The following PEG3 variants were observed in gnomAD, a reference collection of about 807,000 sequenced individuals.
PEG3 encodes the protein paternally-expressed gene 3 protein.
Under a neutral mutation model 35.5 loss-of-function variants are expected in PEG3, and 23 were observed. That is an observed-to-expected ratio of 0.65 (90% CI 0.47 to 0.92). The LOEUF (loss-of-function observed/expected upper bound fraction) is 0.92. PEG3 is among the 40% of genes least tolerant of loss of function. The pLI, the probability that PEG3 is intolerant of heterozygous loss-of-function variation, is 0.00. For missense variants in PEG3, 1,960 were observed against 1,985.3 expected (o/e 0.99, Z 0.24); for synonymous variants, 707 against 697.0 (o/e 1.01, Z -0.23).
rs757279493 is a variant in PEG3, at chr19:56,814,050, T to C, written c.4392A>G (p.Arg1464=). Residue 1464 remains arginine, a synonymous_variant, in exon 10 of 10, where the codon AGA becomes AGG. Coordinates refer to ENST00000326441, the MANE Select transcript of PEG3 (RefSeq NM_006210.3). The surrounding 1 kb of genome is among the most constrained non-coding windows in gnomAD (Gnocchi z 5.8). ...CAGCTTTTCCCTCTGGCTCTTCAGC[T>C]CTTTCTTCTGGGTCTTCAATACCTG... is the stretch of plus-strand genomic sequence containing the variant. ...DGAGIEDPEE[R]AEEPEGKAEE... 1 of 1,614,124 alleles carries C rather than the reference T, an allele frequency of 6.2e-7. No homozygotes were observed. Among genetic ancestry groups the C allele is most frequent in the South Asian group, 1.1e-5 (1 of 91,078 alleles).
In PEG3 at chr19:56,813,899, T is replaced by G. The variant is rs1436147477; in HGVS notation, c.4543A>C (p.Thr1515Pro). Residue 1515 changes from threonine to proline, a missense_variant, in exon 10 of 10, where the codon ACT becomes CCT. This residue lies in a region of PEG3 where 416 missense variants were observed against 416.7 expected (regional missense o/e 1.00). Coordinates refer to ENST00000326441, the MANE Select transcript of PEG3 (RefSeq NM_006210.3). ...YDCHECTETF[T>P]SSTAFSEHLK... ...TGTTCACTGAATGCTGTGCTGGAAG[T>G]GAAGGTTTCTGTGCATTCATGGCAG... The G allele has an allele frequency of 1.2e-6, 2 of 1,614,090 alleles. No homozygotes were observed. The highest frequency in any genetic ancestry group is 1.7e-6 in the Non-Finnish European group (2 of 1,180,034).
At chr19:56,825,463 C>T (rs1189308776) in intron 3 of PEG3, among the ~76,000 whole-genome samples, 1 of 152,172 alleles carries the variant, frequency 6.6e-6, no homozygotes, top group African/African-American at 2.4e-5. Flanking sequence ...CTTACTGTTT[C>T]TTTACTTAGT....
chr19:56,827,086 T>A (rs1251657750), intron 2 of PEG3, among the ~76,000 whole-genome samples: 1 of 152,102 alleles, frequency 6.6e-6, no homozygotes, highest in Non-Finnish European at 1.5e-5. Flanking sequence ...GCTGAAATAA[T>A]GTAAAGAGCA....
At chr19:56,826,212 G>A (rs972771729) in intron 3 of PEG3, among the ~76,000 whole-genome samples, 176 bp downstream of exon 3, 1 of 152,150 alleles carries the variant, frequency 6.6e-6, no homozygotes, top group Non-Finnish European at 1.5e-5. Flanking sequence ...TTTCAGACAT[G>A]GTCACTCTAA....
Position 56,817,432 on chromosome 19 carries a change from C to T in PEG3, c.1010G>A (p.Arg337Gln), listed in dbSNP as rs370537787. 15 of 1,614,024 alleles carry T rather than the reference C, an allele frequency of 9.3e-6. No individual in the cohort carries two copies. Among genetic ancestry groups the T allele is most frequent in the East Asian group, 6.7e-5 (3 of 44,872 alleles). ...KSGRARESSDRSQRFPRMSDD... is the reference protein window; with the variant it reads ...KSGRARESSDQSQRFPRMSDD... ...TGACATTCTGGGGAATCTCTGTGAC[C>T]GGTCGCTTGACTCCCTTGCTCTTCC... Residue 337 changes from arginine (R) to glutamine (Q), a missense_variant, in exon 10 of 10, where the codon CGG (arginine) becomes CAG (glutamine). Transcript: ENST00000326441.
chr19:56,815,302 T>C lies in PEG3; in HGVS notation c.3140A>G (p.Asn1047Ser). ...TTGGTCATAGATTTTCTGGTTTGTG[T>C]TGAGGTCTTCGCTGGTAGCAAAAAA... The part of the protein sequence containing the change: ...RQFFATSEDL[N>S]TNQKIYDQEK... Residue 1047 changes from asparagine (N) to serine (S), a missense_variant, in exon 10 of 10, where the codon AAC becomes AGC. By Grantham distance (46) the Asn-to-Ser change is conservative. Around this residue, in one of 5 missense-constraint regions of PEG3, gnomAD observed 798 missense variants for 782.4 expected, o/e 1.02. Transcript: ENST00000326441. 1 of 1,614,266 alleles carries C rather than the reference T, an allele frequency of 6.2e-7. No homozygotes were observed. Among genetic ancestry groups the C allele is most frequent in the Non-Finnish European group, 8.5e-7 (1 of 1,180,046 alleles).
intron 7 of PEG3, among the ~76,000 whole-genome samples, chr19:56,820,003 A>C (rs766663851): frequency 2.0e-5 from 3 of 152,248 alleles, no homozygotes; most frequent in Non-Finnish European, 2.9e-5. Context: ...GAAACACAGC[A>C]GAGCTTCACA....
chr19:56,810,834 A>G lies in PEG3; in HGVS notation c.*2841T>C, dbSNP rs1298136381. 2 of 970,182 alleles carry G rather than the reference A, an allele frequency of 2.1e-6. No homozygotes were observed. Among genetic ancestry groups the G allele is most frequent in the African/African-American group, 3.5e-5 (2 of 56,874 alleles). 60.1% of individuals were successfully genotyped at this position (970,182 alleles called of 1,614,324 possible). On this transcript the variant is annotated 3_prime_UTR_variant, in exon 10 of 10. Transcript: ENST00000326441. ...TTGGGAATATAGGTAATTTTTTAAA[A>G]TAATTTACTTTATTTTCTAATTTTT...
chr19:56,820,579 T>C (rs2146281164), intron 7 of PEG3, among the ~76,000 whole-genome samples: 1 of 152,334 alleles, frequency 6.6e-6, no homozygotes, highest in South Asian at 2.1e-4. Context: ...CCCTAATGCC[T>C]GGGGTCCCCT....
In PEG3 at chr19:56,823,645, G is replaced by A. The variant is rs1046868185; in HGVS notation, c.429C>T (p.Asp143=). The change falls in exon 5 of 10, where the codon GAC becomes GAT. Residue 143 remains aspartate, a synonymous_variant. Coordinates refer to ENST00000326441, the MANE Select transcript of PEG3 (RefSeq NM_006210.3). ...AGGACTCTCTTCTGTTCCGGGTCAT[G>A]TCGTCGTCGCTGGTCACGTCACTGT... ...DNNSDVTSDD[D]MTRNRRESSP... 4 of 1,614,052 alleles carry A rather than the reference G, an allele frequency of 2.5e-6. No individual in the cohort carries two copies. The highest frequency in any genetic ancestry group is 3.4e-6 in the Non-Finnish European group (4 of 1,180,040).
In PEG3 at chr19:56,814,599, G is replaced by A. The variant is rs2059803853; in HGVS notation, c.3843C>T (p.Leu1281=). ...ATTCTCCACAGACTGCACATTCAAAGAGTCTCTCTTCGGTCTGACTTCTCT... is the reference window on the plus strand; with the variant it reads ...ATTCTCCACAGACTGCACATTCAAAAAGTCTCTCTTCGGTCTGACTTCTCT... ...EFQRSQTEER[L]FECAVCGESF... is the part of the protein sequence containing the mutation. The change falls in exon 10 of 10, where the codon CTC becomes CTT. Residue 1281 remains leucine (L), a synonymous_variant. Coordinates refer to ENST00000326441, the MANE Select transcript of PEG3 (RefSeq NM_006210.3). The surrounding 1 kb of genome is among the most constrained non-coding windows in gnomAD (Gnocchi z 5.8). The A allele has an allele frequency of 4.3e-6, 7 of 1,614,154 alleles. No homozygotes were observed. Among genetic ancestry groups the A allele is most frequent in the African/African-American group, 1.3e-5 (1 of 75,040 alleles).
At chr19:56,822,725 A>C in intron 6 of PEG3, 28 bp downstream of exon 6, 2 of 1,612,636 alleles carry the variant, frequency 1.2e-6, no homozygotes, top group Non-Finnish European at 1.7e-6. Context: ...TATATCTCCT[A>C]CTGGGAAAGA....
intron 2 of PEG3, among the ~76,000 whole-genome samples, chr19:56,832,460 C>T (rs1395704339): frequency 6.6e-6 from 1 of 152,234 alleles, no homozygotes; most frequent in African/African-American, 2.4e-5. Context: ...TGGCTCAAGA[C>T]TGAACTCTGG....
chr19:56,826,472 G>C lies in PEG3; in HGVS notation c.-162-9C>G, dbSNP rs181537786. 8.5e-5 allele frequency: 13 copies of C among 152,340 alleles called. No individual in the cohort carries two copies. The highest frequency in any genetic ancestry group is 3.4e-3 in the Middle Eastern group (1 of 294). The allele number at this position is 152,340 out of a possible 1,614,324, so 9.4% of individuals were successfully genotyped here. A position where few individuals can be genotyped will look rare whatever the true frequency, so the allele number is the denominator to read the frequency against. ...AGTCAAAACACAGGTATCTGCAGAA[G>C]TTTTAAAGGAAGAAATACACAGACT... On this transcript the variant is annotated splice_polypyrimidine_tract_variant and intron_variant, in intron 2 of 9. Transcript: ENST00000326441.
intron 1 of PEG3, among the ~76,000 whole-genome samples, chr19:56,837,767 GC>G (rs918977980): frequency 6.6e-6 from 1 of 152,230 alleles, no homozygotes; most frequent in Non-Finnish European, 1.5e-5. Context: ...AATCCCCTCA[GC>G]CCCCTCCAAC....
intron 6 of PEG3, 72 bp from the exon 7 acceptor site, chr19:56,821,826 A>G: frequency 6.5e-7 from 1 of 1,532,070 alleles, no homozygotes; most frequent in South Asian, 1.1e-5. Context: ...TGTCCCACTC[A>G]ACTATGAAGC....
Position 56,811,563 on chromosome 19 carries a change from C to T in PEG3, c.*2112G>A, listed in dbSNP as rs1443061236. The T allele has an allele frequency of 4.1e-6, 4 of 985,220 alleles. No homozygotes were observed. The highest frequency in any genetic ancestry group is 4.8e-6 in the Non-Finnish European group (4 of 829,906). 61.0% of individuals were successfully genotyped at this position (985,220 alleles called of 1,614,324 possible). A position where few individuals can be genotyped will look rare whatever the true frequency, so the allele number is the denominator to read the frequency against. On this transcript the variant is annotated 3_prime_UTR_variant, in exon 10 of 10. Coordinates refer to ENST00000326441, the MANE Select transcript of PEG3 (RefSeq NM_006210.3). ...CTAGCTGAAGGTTGGAACGGACACC[C>T]TGACTTACAGCAAGTTGCTTTCTGA...
At chr19:56,818,578 A>G in intron 8 of PEG3, 22 bp downstream of exon 8, 1 of 1,613,634 alleles carries the variant, frequency 6.2e-7, no homozygotes, top group Non-Finnish European at 8.5e-7. Context: ...ACTGGGAGTG[A>G]CTGAGAGAAG....
In PEG3 at chr19:56,814,655, T is replaced by C. The variant is rs1420647135; in HGVS notation, c.3787A>G (p.Ile1263Val). Residue 1263 changes from isoleucine (I) to valine (V), a missense_variant, in exon 10 of 10, where the codon ATC becomes GTC. Physicochemically the swap from Ile to Val is conservative, Grantham distance 29 (BLOSUM62 3). Around this residue, in one of 5 missense-constraint regions of PEG3, gnomAD observed 416 missense variants for 416.7 expected, o/e 1.00. Transcript: ENST00000326441. The surrounding 1 kb of genome is among the most constrained non-coding windows in gnomAD (Gnocchi z 5.8). ...LEQSQMAEEAIIPGLALTEFQ... is the reference protein window; with the variant it reads ...LEQSQMAEEAVIPGLALTEFQ... ...TCAGTGAGGGCTAAGCCTGGAATGA[T>C]AGCTTCCTCAGCCATCTGGCTCTGC... 11 of 1,614,074 alleles carry C rather than the reference T, an allele frequency of 6.8e-6. No individual in the cohort carries two copies. Among genetic ancestry groups the C allele is most frequent in the Middle Eastern group, 1.6e-4 (1 of 6,084 alleles).
Sources: gnomAD v4.1 joint callset for allele counts (sites outside exome capture counted in the v4.1 genomes callset) on GRCh38, gnomAD v4.1.1 for gene constraint, gnomAD v4.1.1 regional missense constraint, Gnocchi (gnomAD v3.1) non-coding constraint, MANE v1.5 for transcripts, NCBI Gene and HGNC (gene_info 2026-07-23, HGNC 2026-07-21) for gene names.